Variants in FAM20C observed in about 807,000 individuals in gnomAD.
FAM20C encodes extracellular serine/threonine protein kinase FAM20C.
A neutral mutation model predicts 51.5 loss-of-function variants in FAM20C; 40 were observed. The observed-to-expected ratio is 0.78, with a 90% CI of 0.60 to 1.01. The LOEUF (loss-of-function observed/expected upper bound fraction) is 1.01, where lower values mean the gene tolerates loss of function less well. FAM20C is among the 50% of genes least tolerant of loss of function. The pLI, the probability that FAM20C is intolerant of heterozygous loss-of-function variation, is 0.00. For missense variants in FAM20C, 861 were observed against 844.7 expected, an observed-to-expected ratio of 1.02 and a Z score of -0.24; for synonymous variants, 406 against 380.6, an observed-to-expected ratio of 1.07 and a Z score of -0.78.
chr7:257,257 C>T, intron 8 of FAM20C, 171 bp downstream of exon 8: 1 of 697,808 alleles, frequency 1.4e-6, no homozygotes, highest in East Asian at 2.7e-5. Context: ...CAGGCCCCAA[C>T]CAGGAGGGAG....
chr7:229,729 A>G (rs1185158474), intron 3 of FAM20C, among the ~76,000 whole-genome samples: 2 of 152,220 alleles, frequency 1.3e-5, no homozygotes, highest in East Asian at 3.8e-4. Flanking sequence ...CGCACCTTCC[A>G]GAGCTCTGCC....
At chr7:233,416 T>G (rs996924619) in intron 3 of FAM20C, among the ~76,000 whole-genome samples, 1 of 152,224 alleles carries the variant, frequency 6.6e-6, no homozygotes, top group African/African-American at 2.4e-5. Context: ...CTGGGTATCC[T>G]GTATTCCCCT....
intron 2 of FAM20C, among the ~76,000 whole-genome samples, chr7:196,259 G>A (rs1184936808): frequency 6.6e-6 from 1 of 151,918 alleles, no homozygotes; most frequent in Non-Finnish European, 1.5e-5. Flanking sequence ...CAGGACGGAG[G>A]CCTGGGCCTC....
intron 2 of FAM20C, among the ~76,000 whole-genome samples, chr7:207,397 C>T (rs1786475460): frequency 6.6e-6 from 1 of 152,240 alleles, no homozygotes; most frequent in Non-Finnish European, 1.5e-5. Context: ...CACACGTGCT[C>T]ACTGTCTCCT....
intron 2 of FAM20C, among the ~76,000 whole-genome samples, chr7:202,135 T>C (rs1277429891): frequency 6.6e-6 from 1 of 152,190 alleles, no homozygotes; most frequent in Non-Finnish European, 1.5e-5. Flanking sequence ...GGGGAGAGCG[T>C]TCCAGATGGG....
intron 8 of FAM20C, among the ~76,000 whole-genome samples, chr7:257,954 C>A (rs1388217075): frequency 4.0e-5 from 4 of 100,362 alleles, no homozygotes; most frequent in African/African-American, 9.1e-5. Flanking sequence ...CGGGGTGGAC[C>A]CACTGCCTGA....
intron 1 of FAM20C, 147 bp downstream of exon 1, chr7:193,951 A>C: frequency 8.1e-7 from 1 of 1,240,950 alleles, no homozygotes; most frequent in Non-Finnish European, 1.1e-6. Context: ...CGCCTACCTC[A>C]GGGCGCTGCC....
In FAM20C at chr7:246,451, T is replaced by G; in HGVS notation, c.900T>G (p.Phe300Leu). ...AGCAGGAGACACCCCCTGACTTTTT[T>G]TATTTCTCTGACTACGAGAGGCACA... ...TREQETPPDF[F>L]YFSDYERHNA... The change falls in exon 4 of 10, where the codon TTT (phenylalanine) becomes TTG (leucine). Residue 300 changes from phenylalanine (F) to leucine (L), a missense_variant. Phe to Leu is a conservative substitution (Grantham distance 22). This residue lies in a region of FAM20C where 561 missense variants were observed against 499.8 expected (regional missense o/e 1.12). Transcript: ENST00000313766. 1 of 1,415,832 alleles carries G rather than the reference T, an allele frequency of 7.1e-7. No individual in the cohort carries two copies. The highest frequency in any genetic ancestry group is 1.3e-5 in the South Asian group (1 of 79,242). 87.7% of individuals were successfully genotyped at this position (1,415,832 alleles called of 1,614,324 possible).
chr7:249,501 G>T (rs895563594), intron 5 of FAM20C, among the ~76,000 whole-genome samples: 1 of 152,252 alleles, frequency 6.6e-6, no homozygotes, highest in Admixed American at 6.5e-5. Context: ...AGCATTTTGG[G>T]AAGCCAAGGT....
chr7:227,199 G>A (rs1293264382), intron 3 of FAM20C, among the ~76,000 whole-genome samples: 4 of 152,020 alleles, frequency 2.6e-5, no homozygotes, highest in East Asian at 1.9e-4. Flanking sequence ...TATGACGGTC[G>A]CCGGGGTGCC....
chr7:236,525 T>C (rs989153621), intron 3 of FAM20C, among the ~76,000 whole-genome samples: 3 of 152,190 alleles, frequency 2.0e-5, no homozygotes, highest in Admixed American at 1.3e-4. Context: ...CGCCCTCACC[T>C]GGGGACCCCC....
At position 192,943 on chromosome 7, in the gene FAM20C, G is replaced by A. The variant is rs1435781013; in HGVS notation, c.-257G>A. 1.3e-5 allele frequency: 2 copies of A among 157,052 alleles called. No homozygotes were observed. Among genetic ancestry groups the A allele is most frequent in the South Asian group, 2.0e-4 (1 of 4,982 alleles). 9.7% of individuals were successfully genotyped at this position (157,052 alleles called of 1,614,324 possible). A position where few individuals can be genotyped will look rare whatever the true frequency, so the allele number is the denominator to read the frequency against. The stretch of plus-strand genomic sequence containing the variant: ...CCGCGCGCCCGGCTCCGCGGACCAG[G>A]ACCCCTGGGCTCCCCGGCTGAGGGC... On this transcript the variant is annotated 5_prime_UTR_variant, in exon 1 of 10. Transcript: ENST00000313766.
At chr7:230,367 C>CGGG (rs1300481360) in intron 3 of FAM20C, among the ~76,000 whole-genome samples, 3 of 8,578 alleles carry the variant, frequency 3.5e-4, no homozygotes, top group African/African-American at 1.7e-3. Flanking sequence ...GTCCCCAGGA[C>CGGG]GGGGTGGGGG....
rs1365757431 is a variant in FAM20C at position 217,495 on chromosome 7, G to T, written c.863+8519G>T. Reference sequence around the variant, plus strand: ...CTGGGGGAATTTCAGGGCCATCCTGGGGGGCGGTGCTGAGATGGTGGCCTC... The same window carrying T: ...CTGGGGGAATTTCAGGGCCATCCTGTGGGGCGGTGCTGAGATGGTGGCCTC... On this transcript the variant is annotated intron_variant, in intron 3 of 9. Coordinates refer to ENST00000313766, the MANE Select transcript of FAM20C (RefSeq NM_020223.4). 2.2e-4 allele frequency among the ~76,000 whole-genome samples: 22 copies of T among 100,486 alleles called. 1 individual carries two copies. The highest frequency in any genetic ancestry group is 2.0e-3 in the Admixed American group (17 of 8,346). The allele number at this position is 100,486 out of a possible 152,430, so 65.9% of individuals were successfully genotyped here.
At chr7:206,269 G>C (rs1171050297) in intron 2 of FAM20C, among the ~76,000 whole-genome samples, 1 of 152,196 alleles carries the variant, frequency 6.6e-6, no homozygotes, top group Non-Finnish European at 1.5e-5. Context: ...TCCTGCAGCT[G>C]CCGCAGCCCC....
chr7:245,642 C>A (rs1788122395), intron 3 of FAM20C, among the ~76,000 whole-genome samples: 1 of 152,250 alleles, frequency 6.6e-6, no homozygotes, highest in Non-Finnish European at 1.5e-5. Context: ...TCAGACACGA[C>A]CTTGACAATT....
intron 3 of FAM20C, among the ~76,000 whole-genome samples, chr7:227,001 G>A (rs1043525271): frequency 4.6e-5 from 7 of 152,030 alleles, no homozygotes; most frequent in East Asian, 1.9e-4. Context: ...CCCTCCCCTC[G>A]GCTGTTCCGA....
intron 2 of FAM20C, among the ~76,000 whole-genome samples, chr7:203,030 A>G (rs543979707): frequency 3.3e-5 from 5 of 151,914 alleles, no homozygotes; most frequent in African/African-American, 1.2e-4. Context: ...GTGTAGAGGG[A>G]GATGGAGGGA....
intron 3 of FAM20C, among the ~76,000 whole-genome samples, chr7:231,007 G>T (rs1294457510): frequency 6.6e-6 from 1 of 152,172 alleles, no homozygotes; most frequent in Non-Finnish European, 1.5e-5. Context: ...GAGCCCAGGA[G>T]GCTGAGGATG....
Sources: allele counts gnomAD v4.1 joint callset (sites outside exome capture counted in the v4.1 genomes callset), GRCh38; gene constraint gnomAD v4.1.1; regional missense constraint gnomAD v4.1.1; transcripts MANE v1.5; gene names NCBI Gene and HGNC (gene_info 2026-07-23, HGNC 2026-07-21).